The following SCGN variants were observed in gnomAD, a reference collection of about 807,000 sequenced individuals.
SCGN encodes secretagogin, EF-hand calcium binding protein.
Under a neutral mutation model 39.7 loss-of-function variants are expected in SCGN, and 30 were observed. The observed-to-expected ratio is 0.76, with a 90% CI of 0.57 to 1.03. The LOEUF is 1.03. Ranked by LOEUF, SCGN falls within the 50% of genes least tolerant of loss-of-function variation. SCGN has a pLI of 0.00. For synonymous variants in SCGN, 106 were observed against 114.1 expected (o/e 0.93, Z 0.45); for missense variants, 353 against 349.4 (o/e 1.01, Z -0.08).
rs975508312 is a variant in SCGN at position 25,670,707 on chromosome 6, C to T, written c.471+631C>T. Among the ~76,000 whole-genome samples the T allele has an allele frequency of 5.3e-5, 8 of 152,192 alleles. 1 individual carries two copies. Among genetic ancestry groups the T allele is most frequent in the Non-Finnish European group, 5.9e-5 (4 of 68,040 alleles). On this transcript the variant is annotated intron_variant, in intron 6 of 10. Coordinates refer to ENST00000377961, the MANE Select transcript of SCGN (RefSeq NM_006998.4). ...TTATTGCAGTAGTTGTCATTATTTC[C>T]TGTTCCCCTCATGTCATCCTTGTTC...
intron 6 of SCGN, among the ~76,000 whole-genome samples, chr6:25,680,414 A>C (rs562434535): frequency 2.6e-4 from 39 of 152,054 alleles, no homozygotes; most frequent in Admixed American, 2.6e-3. Context: ...TAGGCAAATG[A>C]TTTTTTTCCT....
intron 3 of SCGN, among the ~76,000 whole-genome samples, chr6:25,664,396 C>G (rs1760393171): frequency 6.6e-6 from 1 of 152,170 alleles, no homozygotes; most frequent in Non-Finnish European, 1.5e-5. Context: ...GACTTCATCA[C>G]ACACTAATTA....
At chr6:25,655,522 C>T (rs964049009) in intron 2 of SCGN, among the ~76,000 whole-genome samples, 6 of 152,126 alleles carry the variant, frequency 3.9e-5, no homozygotes, top group Non-Finnish European at 7.4e-5. Context: ...GCATAATCCT[C>T]GAGGAAAGAG....
At chr6:25,688,238 A>G (rs999202672) in intron 7 of SCGN, among the ~76,000 whole-genome samples, 1 of 152,098 alleles carries the variant, frequency 6.6e-6, no homozygotes, top group Non-Finnish European at 1.5e-5. Context: ...GACTCCCTTT[A>G]GTATTTCTTA....
intron 10 of SCGN, among the ~76,000 whole-genome samples, chr6:25,695,882 C>T (rs995367804): frequency 6.6e-6 from 1 of 152,150 alleles, no homozygotes; most frequent in Non-Finnish European, 1.5e-5. Flanking sequence ...TAAAAATCAA[C>T]ACAAGAATCT....
At position 25,661,585 on chromosome 6, in the gene SCGN, A is replaced by G. The variant is rs1760338288; in HGVS notation, c.187A>G (p.Lys63Glu). 1.2e-6 allele frequency: 2 copies of G among 1,613,666 alleles called. No homozygotes were observed. The highest frequency in any genetic ancestry group is 2.7e-5 in the African/African-American group (2 of 74,926). The change falls in exon 3 of 11, where the codon AAA (lysine) becomes GAA (glutamate). Residue 63 changes from lysine (K) to glutamate (E), a missense_variant. Physicochemically the swap from Lys to Glu is moderately conservative, Grantham distance 56. Transcript: ENST00000377961. Reference protein sequence around the residue: ...TVMKANLHKVKQQFMTTQDAS... With the variant: ...TVMKANLHKVEQQFMTTQDAS... Reference sequence around the variant, plus strand: ...CATGAAAGCAAATTTGCACAAGGTGAAACAGCAGTTTATGACTACCCAAGA... The same window carrying G: ...CATGAAAGCAAATTTGCACAAGGTGGAACAGCAGTTTATGACTACCCAAGA...
At chr6:25,661,750 T>C (rs1323786487) in intron 3 of SCGN, 106 bp downstream of exon 3, 1 of 746,082 alleles carries the variant, frequency 1.3e-6, no homozygotes, top group Non-Finnish European at 2.2e-6. Flanking sequence ...ATGGAAACTT[T>C]ACATTTGATC....
At chr6:25,678,149 A>G (rs1759589823) in intron 6 of SCGN, among the ~76,000 whole-genome samples, 1 of 152,164 alleles carries the variant, frequency 6.6e-6, no homozygotes, top group African/African-American at 2.4e-5. Flanking sequence ...AGCACCTTTC[A>G]GGTAGTTAAT....
At chr6:25,700,565 T>G (rs1240745081) in intron 10 of SCGN, among the ~76,000 whole-genome samples, 2 of 152,206 alleles carry the variant, frequency 1.3e-5, no homozygotes, top group Non-Finnish European at 2.9e-5. Flanking sequence ...AGAGGTGGAA[T>G]TATTTACTTC....
At chr6:25,678,453 C>CACAAA (rs1350623093) in intron 6 of SCGN, among the ~76,000 whole-genome samples, 1 of 152,038 alleles carries the variant, frequency 6.6e-6, no homozygotes, top group African/African-American at 2.4e-5. Context: ...GGGGGCACAT[C>CACAAA]ACAAAACAAA....
chr6:25,681,017 G>T (rs1272829852), intron 6 of SCGN, among the ~76,000 whole-genome samples: 1 of 152,118 alleles, frequency 6.6e-6, no homozygotes, highest in Non-Finnish European at 1.5e-5. Flanking sequence ...ATATTCTGTA[G>T]CATTAAAATG....
chr6:25,656,152 G>T (rs569864465), intron 2 of SCGN, among the ~76,000 whole-genome samples: 1 of 152,264 alleles, frequency 6.6e-6, no homozygotes, highest in African/African-American at 2.4e-5. Flanking sequence ...AAAATGGAAG[G>T]CCCTTCAGTT....
intron 2 of SCGN, among the ~76,000 whole-genome samples, chr6:25,656,336 C>T (rs891894833): frequency 1.3e-5 from 2 of 152,144 alleles, no homozygotes; most frequent in African/African-American, 2.4e-5. Context: ...TGATGATTAG[C>T]GGATCACAGA....
chr6:25,662,147 A>G (rs1017376920), intron 3 of SCGN, among the ~76,000 whole-genome samples: 2 of 152,230 alleles, frequency 1.3e-5, no homozygotes, highest in African/African-American at 4.8e-5. Flanking sequence ...AGCACATACT[A>G]AAGCATGTAA....
At chr6:25,675,738 C>T (rs1759556093) in intron 6 of SCGN, among the ~76,000 whole-genome samples, 1 of 152,198 alleles carries the variant, frequency 6.6e-6, no homozygotes, top group Admixed American at 6.5e-5. Flanking sequence ...GCTTCCTTCT[C>T]TGGGTCTAGG....
intron 2 of SCGN, among the ~76,000 whole-genome samples, chr6:25,661,349 C>A (rs1760332471): frequency 6.6e-6 from 1 of 152,180 alleles, no homozygotes; most frequent in African/African-American, 2.4e-5. Context: ...AGTCAAGATT[C>A]TGATTAGTGC....
chr6:25,653,727 C>T (rs907463437), intron 2 of SCGN, among the ~76,000 whole-genome samples: 3 of 152,302 alleles, frequency 2.0e-5, no homozygotes, highest in Middle Eastern at 6.8e-3. Flanking sequence ...TGGTCTTGAA[C>T]GTCTCCTTGG....
intron 4 of SCGN, among the ~76,000 whole-genome samples, chr6:25,666,440 T>C (rs972882888): frequency 5.9e-5 from 9 of 152,206 alleles, no homozygotes; most frequent in Admixed American, 2.0e-4. Flanking sequence ...TACAATGATG[T>C]TCATATAATG....
At chr6:25,663,334 C>T (rs1433178581) in intron 3 of SCGN, among the ~76,000 whole-genome samples, 1 of 152,158 alleles carries the variant, frequency 6.6e-6, no homozygotes, top group Non-Finnish European at 1.5e-5. Flanking sequence ...GTTCCCAGTT[C>T]CAGTTGACCC....
Sources: gnomAD v4.1 joint callset for allele counts (sites outside exome capture counted in the v4.1 genomes callset) on GRCh38, gnomAD v4.1.1 for gene constraint, MANE v1.5 for transcripts, NCBI Gene and HGNC (gene_info 2026-07-23, HGNC 2026-07-21) for gene names.